The following ANXA2 variants were observed in gnomAD, a reference collection of about 807,000 sequenced individuals.
ANXA2 encodes the protein annexin II.
ANXA2 carries 28 observed loss-of-function variants against 47.3 expected under a neutral mutation model. That is an observed-to-expected ratio of 0.59 (90% CI 0.44 to 0.81). The LOEUF (loss-of-function observed/expected upper bound fraction) is 0.81. Ranked by LOEUF, ANXA2 falls within the 40% of genes least tolerant of loss-of-function variation. ANXA2 has a pLI of 0.00. For synonymous variants in ANXA2, 172 were observed against 155.5 expected, an observed-to-expected ratio of 1.11 and a Z score of -0.79; for missense variants, 384 against 414.3, an observed-to-expected ratio of 0.93 and a Z score of 0.64.
intron 7 of ANXA2, among the ~76,000 whole-genome samples, chr15:60,355,015 C>T (rs2062406122): frequency 1.3e-5 from 2 of 152,086 alleles, no homozygotes; most frequent in South Asian, 4.1e-4. Context: ...ATGCAGCTAG[C>T]CAAGCAGAGC....
chr15:60,375,487 T>TA (rs1017469354), intron 3 of ANXA2, among the ~76,000 whole-genome samples: 5 of 152,190 alleles, frequency 3.3e-5, no homozygotes, highest in Admixed American at 3.3e-4. Context: ...ACCCATATGG[T>TA]AAACCATTCA....
intron 11 of ANXA2, among the ~76,000 whole-genome samples, chr15:60,350,523 A>G (rs1199967382): frequency 6.6e-6 from 1 of 152,220 alleles, no homozygotes; most frequent in African/African-American, 2.4e-5. Flanking sequence ...TGGAACTCAA[A>G]GACAGATGGC....
chr15:60,369,383 T>C (rs1247560018), intron 3 of ANXA2, among the ~76,000 whole-genome samples: 1 of 152,234 alleles, frequency 6.6e-6, no homozygotes, highest in African/African-American at 2.4e-5. Context: ...TGTTTTGCCT[T>C]GTACTTAATT....
At chr15:60,390,485 G>T (rs1724838858) in intron 1 of ANXA2, 1 of 508,330 alleles carries the variant, frequency 2.0e-6, no homozygotes, top group South Asian at 1.4e-5. Flanking sequence ...GCGGCGTTAT[G>T]ACAAGAAGCA....
At chr15:60,388,962 T>C (rs944886932) in intron 1 of ANXA2, among the ~76,000 whole-genome samples, 1 of 152,066 alleles carries the variant, frequency 6.6e-6, no homozygotes, top group Non-Finnish European at 1.5e-5. Context: ...GACAGTCTTC[T>C]TGACAGAGCA....
rs200817902 is a variant in ANXA2, at chr15:60,382,397, A to G, written c.93T>C (p.Thr31=). ...PSAYGSVKAY[T]NFDAERDALN... is the part of the protein sequence containing the mutation. ...AAGCATCCCGCTCAGCATCAAAGTT[A>G]GTATAGGCTTTGACAGACCCATATG... The change falls in exon 3 of 13, where the codon ACT becomes ACC. Residue 31 remains threonine (T), a synonymous_variant. Coordinates refer to ENST00000451270, the MANE Select transcript of ANXA2 (RefSeq NM_004039.3). 8.7e-6 allele frequency: 14 copies of G among 1,614,048 alleles called. No individual in the cohort carries two copies. The Admixed American group carries it at 1.7e-4, about 19-fold the overall frequency.
intron 1 of ANXA2, 143 bp downstream of exon 1, chr15:60,397,800 G>A: frequency 1.5e-6 from 2 of 1,300,350 alleles, no homozygotes; most frequent in Admixed American, 3.7e-5. Context: ...TCCAGTGCCG[G>A]CCGTCCCTTC....
chr15:60,366,534 C>G (rs968182150), intron 3 of ANXA2, among the ~76,000 whole-genome samples: 1 of 151,090 alleles, frequency 6.6e-6, no homozygotes, highest in African/African-American at 2.4e-5. Context: ...TCTGCCCGGC[C>G]GCTCCGTCTG....
At chr15:60,369,267 T>C (rs575182061) in intron 3 of ANXA2, among the ~76,000 whole-genome samples, 3 of 152,388 alleles carry the variant, frequency 2.0e-5, no homozygotes, top group Admixed American at 6.5e-5. Context: ...TGTGCATTCA[T>C]GCCTACCCAC....
At chr15:60,365,996 G>A (rs1293213278) in intron 3 of ANXA2, among the ~76,000 whole-genome samples, 3 of 141,384 alleles carry the variant, frequency 2.1e-5, no homozygotes, top group Admixed American at 7.1e-5. Flanking sequence ...TTGCAGGCGC[G>A]CGCCGCCACG....
chr15:60,386,996 T>C (rs1430130291), intron 1 of ANXA2: 3 of 152,248 alleles, frequency 2.0e-5, no homozygotes, highest in Non-Finnish European at 2.9e-5. Flanking sequence ...TTGCTTAATA[T>C]TCTTTGATCA....
intron 1 of ANXA2, among the ~76,000 whole-genome samples, chr15:60,388,934 C>T (rs2062970437): frequency 6.7e-6 from 1 of 150,098 alleles, no homozygotes; most frequent in Non-Finnish European, 1.5e-5. Context: ...GATAATGTCG[C>T]GTTACCTTGC....
intron 3 of ANXA2, among the ~76,000 whole-genome samples, chr15:60,371,213 C>T (rs981705826): frequency 2.0e-5 from 3 of 152,186 alleles, no homozygotes; most frequent in Admixed American, 6.5e-5. Flanking sequence ...ACACCTGGAT[C>T]GTGGGCACCC....
At chr15:60,393,039 T>C (rs1200151927) in intron 1 of ANXA2, 2 of 1,288,072 alleles carry the variant, frequency 1.6e-6, no homozygotes, top group East Asian at 5.6e-5. Flanking sequence ...TATCAGAACC[T>C]TTTTGAAAGC....
At position 60,354,219 on chromosome 15, in the gene ANXA2, G is replaced by C. The variant is rs993495270; in HGVS notation, c.529-6C>G. On this transcript the variant is annotated splice_region_variant and splice_polypyrimidine_tract_variant and intron_variant, in intron 7 of 12. Transcript: ENST00000451270. ...CCATCCTCTGCTCTTCTACCCTATG[G>C]GGGAAAGAAAAAGAACTTCAAATAC... The C allele has an allele frequency of 4.4e-6, 7 of 1,603,604 alleles. No homozygotes were observed. Among genetic ancestry groups the C allele is most frequent in the Non-Finnish European group, 5.1e-6 (6 of 1,176,106 alleles).
intron 4 of ANXA2, 109 bp from the exon 5 acceptor site, chr15:60,361,163 C>G (rs2062506856): frequency 1.3e-6 from 1 of 769,288 alleles, no homozygotes; most frequent in Admixed American, 2.0e-5. Flanking sequence ...GAGTCTTTGA[C>G]CACTCCGGAG....
chr15:60,366,195 G>A (rs548663455), intron 3 of ANXA2, among the ~76,000 whole-genome samples: 139 of 147,456 alleles, frequency 9.4e-4, no homozygotes, highest in Admixed American at 1.8e-3. Context: ...ATCTCGGCTC[G>A]CTACAACCAC....
At chr15:60,396,218 G>A (rs943382201) in intron 1 of ANXA2, 4 of 152,150 alleles carry the variant, frequency 2.6e-5, no homozygotes, top group African/African-American at 7.2e-5. Context: ...ACCACGCCCA[G>A]TATCGTTGTT....
At chr15:60,361,870 C>G (rs1292643640) in intron 4 of ANXA2, among the ~76,000 whole-genome samples, 1 of 151,904 alleles carries the variant, frequency 6.6e-6, no homozygotes, top group Non-Finnish European at 1.5e-5. Context: ...TGGCTGATGA[C>G]TGAAGCCTCC....
Sources: gnomAD v4.1 joint callset for allele counts (sites outside exome capture counted in the v4.1 genomes callset) on GRCh38, gnomAD v4.1.1 for gene constraint, MANE v1.5 for transcripts, NCBI Gene and HGNC (gene_info 2026-07-23, HGNC 2026-07-21) for gene names.